The following TXNRD3 variants were observed in gnomAD, a reference collection of about 807,000 sequenced individuals.
TXNRD3 encodes TXNRD3 neighbor gene protein.
TXNRD3 carries 68 observed loss-of-function variants against 78.2 expected under a neutral mutation model. That is an observed-to-expected ratio of 0.87 (90% CI 0.72 to 1.06). The LOEUF (loss-of-function observed/expected upper bound fraction) is 1.06, where lower values mean the gene tolerates loss of function less well. TXNRD3 is among the 50% of genes least tolerant of loss of function. The pLI, the probability that TXNRD3 is intolerant of heterozygous loss-of-function variation, is 0.00. For synonymous variants in TXNRD3, 296 were observed against 300.1 expected (o/e 0.99, Z 0.14); for missense variants, 751 against 809.5 (o/e 0.93, Z 0.88).
chr3:126,632,201 G>A (rs921446631), intron 7 of TXNRD3, among the ~76,000 whole-genome samples: 20 of 152,004 alleles, frequency 1.3e-4, no homozygotes, highest in African/African-American at 4.1e-4. Flanking sequence ...AGAACAATGC[G>A]CACAAAAGCA....
At chr3:126,619,707 G>A (rs747807038) in intron 12 of TXNRD3, among the ~76,000 whole-genome samples, 1 of 152,084 alleles carries the variant, frequency 6.6e-6, no homozygotes, top group Non-Finnish European at 1.5e-5. Context: ...AGCTAAAAGA[G>A]GATATAACAG....
Position 126,633,908 on chromosome 3 carries a change from C to G in TXNRD3, c.855+1G>C. 1 of 1,489,736 alleles carries G rather than the reference C, an allele frequency of 6.7e-7. No individual in the cohort carries two copies. The highest frequency in any genetic ancestry group is 8.9e-7 in the Non-Finnish European group (1 of 1,126,124). The allele number at this position is 1,489,736 out of a possible 1,614,324, so 92.3% of individuals were successfully genotyped here. On this transcript the variant is annotated splice_donor_variant, in intron 7 of 15. Coordinates refer to ENST00000524230, the MANE Select transcript of TXNRD3 (RefSeq NM_052883.3). LOFTEE classifies it high-confidence loss of function. ...AACAAGACAAGAAACTCAAGCACTA[C>G]CTTTATTTTATGATGTTCAACAAAT...
chr3:126,619,070 C>T (rs1361085860), intron 12 of TXNRD3, among the ~76,000 whole-genome samples: 1 of 151,972 alleles, frequency 6.6e-6, no homozygotes, highest in Non-Finnish European at 1.5e-5. Context: ...ATAACAAAGG[C>T]TGGTGAGGAT....
intron 7 of TXNRD3, among the ~76,000 whole-genome samples, chr3:126,632,669 AAAAAAAG>A (rs1214365776): frequency 1.3e-5 from 2 of 151,906 alleles, no homozygotes; most frequent in Non-Finnish European, 2.9e-5. Context: ...CAAAAAAAAA[AAAAAAAG>A]AAAGAAGCAA....
At chr3:126,654,671 G>A (rs1323000172) in intron 1 of TXNRD3, 77 bp downstream of exon 1, 18 of 1,037,056 alleles carry the variant, frequency 1.7e-5, no homozygotes, top group Non-Finnish European at 2.2e-5. Flanking sequence ...GCCCCGGCCC[G>A]GACCCGCCCT....
intron 6 of TXNRD3, among the ~76,000 whole-genome samples, chr3:126,640,735 C>T (rs959849353): frequency 2.6e-5 from 4 of 152,166 alleles, no homozygotes; most frequent in Non-Finnish European, 5.9e-5. Flanking sequence ...TACCCTTCAA[C>T]CAGACTTCAG....
At chr3:126,647,892 T>C (rs570638864) in intron 1 of TXNRD3, among the ~76,000 whole-genome samples, 2 of 152,202 alleles carry the variant, frequency 1.3e-5, no homozygotes, top group African/African-American at 4.8e-5. Flanking sequence ...GAAAAGGAAA[T>C]AAAAGGCATC....
At chr3:126,654,382 T>C (rs1933458828) in intron 1 of TXNRD3, among the ~76,000 whole-genome samples, 1 of 152,176 alleles carries the variant, frequency 6.6e-6, no homozygotes, top group South Asian at 2.1e-4. Context: ...ACAGAATACA[T>C]TTGTCCTTAG....
chr3:126,651,716 T>A (rs1322765560), intron 1 of TXNRD3, among the ~76,000 whole-genome samples: 1 of 152,102 alleles, frequency 6.6e-6, no homozygotes, highest in African/African-American at 2.4e-5. Context: ...TGAGTGAGCA[T>A]ACGAACTAGT....
At chr3:126,608,776 C>T (rs1451050933) in intron 14 of TXNRD3, 143 bp from the exon 15 acceptor site, 1 of 951,102 alleles carries the variant, frequency 1.1e-6, no homozygotes, top group Non-Finnish European at 1.5e-6. Context: ...GAGAACATTA[C>T]CATGAAACTA....
At chr3:126,616,092 G>T (rs1476973880) in intron 12 of TXNRD3, among the ~76,000 whole-genome samples, 1 of 152,178 alleles carries the variant, frequency 6.6e-6, no homozygotes, top group Admixed American at 6.5e-5. Context: ...GCCTTTATCA[G>T]ACTGAGTCAG....
intron 3 of TXNRD3, among the ~76,000 whole-genome samples, chr3:126,645,272 A>T (rs1933199426): frequency 6.6e-6 from 1 of 152,186 alleles, no homozygotes; most frequent in Non-Finnish European, 1.5e-5. Flanking sequence ...TCCAAGAAAT[A>T]TCTTTCTGTC....
chr3:126,642,164 A>G lies in TXNRD3; in HGVS notation c.593-13T>C. On this transcript the variant is annotated splice_polypyrimidine_tract_variant and intron_variant, in intron 5 of 15. Transcript: ENST00000524230. The stretch of plus-strand genomic sequence containing the variant: ...GTGCCACCAAGACCTGAGGAAGAAA[A>G]TAAGTTTTAATGCTTCTTTGTGTGT... 1 of 1,528,452 alleles carries G rather than the reference A, an allele frequency of 6.5e-7. No individual in the cohort carries two copies. Among genetic ancestry groups the G allele is most frequent in the South Asian group, 1.2e-5 (1 of 82,480 alleles). 94.7% of individuals were successfully genotyped at this position (1,528,452 alleles called of 1,614,324 possible). A position where few individuals can be genotyped will look rare whatever the true frequency, so the allele number is the denominator to read the frequency against.
intron 1 of TXNRD3, among the ~76,000 whole-genome samples, chr3:126,652,422 C>T (rs2107631450): frequency 6.6e-6 from 1 of 152,258 alleles, no homozygotes; most frequent in South Asian, 2.1e-4. Flanking sequence ...GGACACAGAT[C>T]CAAACCATAT....
At chr3:126,637,738 A>G (rs1052452433) in intron 6 of TXNRD3, among the ~76,000 whole-genome samples, 12 of 151,958 alleles carry the variant, frequency 7.9e-5, no homozygotes, top group African/African-American at 2.7e-4. Flanking sequence ...TATGTAAGGT[A>G]TCTTATTTTC....
chr3:126,607,596 A>G lies in TXNRD3; in HGVS notation c.*309T>C, dbSNP rs143493675. On this transcript the variant is annotated 3_prime_UTR_variant, in exon 16 of 16. Coordinates refer to ENST00000524230, the MANE Select transcript of TXNRD3 (RefSeq NM_052883.3). ...TAACTTAGGTGAATGGTGCCACTCA[A>G]AGGTCTTTCCGAGGGAAGCTCAGTC... 73 of 260,650 alleles carry G rather than the reference A, an allele frequency of 2.8e-4. No individual in the cohort carries two copies. Among genetic ancestry groups the G allele is most frequent in the African/African-American group, 1.5e-3 (69 of 45,442 alleles). 16.1% of individuals were successfully genotyped at this position (260,650 alleles called of 1,614,324 possible).
At chr3:126,614,053 G>C (rs1207178514) in intron 13 of TXNRD3, among the ~76,000 whole-genome samples, 1 of 152,136 alleles carries the variant, frequency 6.6e-6, no homozygotes, top group African/African-American at 2.4e-5. Context: ...CGTAGGCCTA[G>C]GCTAATGTGT....
intron 10 of TXNRD3, among the ~76,000 whole-genome samples, chr3:126,623,258 T>A (rs906946513): frequency 6.6e-6 from 1 of 152,112 alleles, no homozygotes; most frequent in African/African-American, 2.4e-5. Context: ...TATAGGAAAG[T>A]CTATGGAATA....
chr3:126,636,594 T>C (rs1938867351), intron 6 of TXNRD3, among the ~76,000 whole-genome samples: 1 of 152,184 alleles, frequency 6.6e-6, no homozygotes, highest in African/African-American at 2.4e-5. Flanking sequence ...TGCTGTGCTA[T>C]CCTGGGCTGA....
Sources: allele counts gnomAD v4.1 joint callset (sites outside exome capture counted in the v4.1 genomes callset), GRCh38; gene constraint gnomAD v4.1.1; transcripts MANE v1.5; gene names NCBI Gene and HGNC (gene_info 2026-07-23, HGNC 2026-07-21).